Variants in GNA13 observed in about 807,000 individuals in gnomAD.
GNA13 encodes the protein guanine nucleotide-binding protein subunit alpha-13.
GNA13 carries 4 observed loss-of-function variants against 33.5 expected under a neutral mutation model. The observed-to-expected ratio is 0.12, with a 90% CI of 0.06 to 0.27. The LOEUF (loss-of-function observed/expected upper bound fraction) is 0.27. Among genes scored for constraint, GNA13 ranks in the 10% least tolerant of loss-of-function variants. The pLI is 1.00. For missense variants in GNA13, 319 were observed against 487.2 expected (o/e 0.65, Z 3.25); for synonymous variants, 176 against 183.8 (o/e 0.96, Z 0.34).
intron 2 of GNA13, among the ~76,000 whole-genome samples, chr17:65,046,934 C>T (rs1471902207): frequency 6.6e-6 from 1 of 152,086 alleles, no homozygotes; most frequent in African/African-American, 2.4e-5. Flanking sequence ...CATCCTACAG[C>T]CAGTCAAGTT....
chr17:65,031,894 G>A (rs11079547), intron 2 of GNA13, among the ~76,000 whole-genome samples: 2,665 of 95,512 alleles, frequency 0.028, 5 homozygotes, highest in Non-Finnish European at 0.038. Context: ...GAGAGAGAGA[G>A]AAAGAGAGAG....
intron 2 of GNA13, among the ~76,000 whole-genome samples, chr17:65,024,710 TG>T (rs776720131): frequency 4.3e-4 from 65 of 152,338 alleles, no homozygotes; most frequent in Non-Finnish European, 8.1e-4. Context: ...CCGAGAGAAG[TG>T]ATTCTGATGT....
chr17:65,020,606 C>T (rs1263839208), intron 2 of GNA13, among the ~76,000 whole-genome samples: 1 of 151,936 alleles, frequency 6.6e-6, no homozygotes, highest in Non-Finnish European at 1.5e-5. Context: ...CTGGTTGTAA[C>T]TTGAGGCTCT....
intron 2 of GNA13, among the ~76,000 whole-genome samples, chr17:65,024,018 C>A (rs1906683672): frequency 6.6e-6 from 1 of 152,146 alleles, no homozygotes; most frequent in Non-Finnish European, 1.5e-5. Context: ...TGGGAGGACG[C>A]CAAAGCGGGA....
At chr17:65,043,484 A>G (rs1907538426) in intron 2 of GNA13, among the ~76,000 whole-genome samples, 1 of 152,026 alleles carries the variant, frequency 6.6e-6, no homozygotes, top group South Asian at 2.1e-4. Context: ...GCAGGCTTTT[A>G]GCATGTTGCC....
At chr17:65,026,627 A>T (rs148647578) in intron 2 of GNA13, among the ~76,000 whole-genome samples, 14 of 152,340 alleles carry the variant, frequency 9.2e-5, no homozygotes, top group Non-Finnish European at 1.6e-4. Flanking sequence ...TAAAATACAG[A>T]ACTTCTAGAT....
At position 65,013,751 on chromosome 17, in the gene GNA13, C is replaced by CAGA. The variant is rs1906270602; in HGVS notation, c.*503_*505dup. The stretch of plus-strand genomic sequence containing the variant: ...GAAGGCTAAACCTTCTATAAACCTA[C>CAGA]AGAATGCCATTTCTTAGATAGAACT... On this transcript the variant is annotated 3_prime_UTR_variant, in exon 4 of 4. Coordinates refer to ENST00000439174, the MANE Select transcript of GNA13 (RefSeq NM_006572.6). The CAGA allele has an allele frequency of 4.7e-6, 1 of 210,652 alleles. No homozygotes were observed. The highest frequency in any genetic ancestry group is 1.8e-4 in the South Asian group (1 of 5,430). 13.0% of individuals were successfully genotyped at this position (210,652 alleles called of 1,614,324 possible). A position where few individuals can be genotyped will look rare whatever the true frequency, so the allele number is the denominator to read the frequency against.
At chr17:65,043,892 T>C (rs1907554040) in intron 2 of GNA13, among the ~76,000 whole-genome samples, 1 of 152,022 alleles carries the variant, frequency 6.6e-6, no homozygotes, top group African/African-American at 2.4e-5. Context: ...GAGGCCAAGA[T>C]GGGAGAATCA....
chr17:65,024,034 G>A (rs1906684280), intron 2 of GNA13, among the ~76,000 whole-genome samples: 1 of 152,164 alleles, frequency 6.6e-6, no homozygotes, highest in African/African-American at 2.4e-5. Flanking sequence ...CGGGAGGATT[G>A]CTTGAGCCCA....
intron 2 of GNA13, among the ~76,000 whole-genome samples, chr17:65,031,792 C>A (rs984254725): frequency 4.6e-5 from 7 of 150,700 alleles, no homozygotes; most frequent in Middle Eastern, 3.4e-3. Context: ...GCCTCTAATT[C>A]CAGCTACTCA....
intron 2 of GNA13, among the ~76,000 whole-genome samples, chr17:65,025,021 A>G (rs566235162): frequency 1.1e-4 from 16 of 152,220 alleles, no homozygotes; most frequent in African/African-American, 3.6e-4. Flanking sequence ...TTCAGCCTCC[A>G]GCGTAGGTGG....
At chr17:65,033,955 G>C (rs963511112) in intron 2 of GNA13, among the ~76,000 whole-genome samples, 1 of 124,960 alleles carries the variant, frequency 8.0e-6, no homozygotes, top group Non-Finnish European at 1.6e-5. Context: ...GGAGGTTGCA[G>C]TGAGCCAAGA....
chr17:65,037,705 G>A (rs1206785372), intron 2 of GNA13, among the ~76,000 whole-genome samples: 1 of 135,398 alleles, frequency 7.4e-6, no homozygotes, highest in African/African-American at 2.7e-5. Flanking sequence ...GCCGAGAGAG[G>A]CAGACTGCTT....
At chr17:65,055,280 T>A (rs1419835018) in intron 1 of GNA13, among the ~76,000 whole-genome samples, 1 of 152,208 alleles carries the variant, frequency 6.6e-6, no homozygotes, top group Non-Finnish European at 1.5e-5. Context: ...GTTAATTATC[T>A]TTCAAATGAC....
intron 2 of GNA13, among the ~76,000 whole-genome samples, chr17:65,027,134 C>T (rs1906817907): frequency 6.6e-6 from 1 of 152,104 alleles, no homozygotes; most frequent in Admixed American, 6.5e-5. Context: ...GGAAAGAAAC[C>T]ATTTTATGAA....
At chr17:65,044,859 A>G (rs963082290) in intron 2 of GNA13, among the ~76,000 whole-genome samples, 10 of 151,970 alleles carry the variant, frequency 6.6e-5, no homozygotes, top group Non-Finnish European at 1.3e-4. Flanking sequence ...CCCGGCCAAC[A>G]TGGTGAAACC....
intron 2 of GNA13, among the ~76,000 whole-genome samples, chr17:65,022,214 G>A (rs748101801): frequency 6.6e-6 from 1 of 152,078 alleles, no homozygotes; most frequent in African/African-American, 2.4e-5. Flanking sequence ...ACACAGCCAC[G>A]CTCACCTGTT....
intron 2 of GNA13, among the ~76,000 whole-genome samples, chr17:65,036,612 A>AT (rs1157370338): frequency 6.6e-6 from 1 of 152,244 alleles, no homozygotes; most frequent in Non-Finnish European, 1.5e-5. Context: ...AAGGTGAGGC[A>AT]TAAGAATCGC....
At chr17:65,018,417 G>T in intron 2 of GNA13, 114 bp from the exon 3 acceptor site, 1 of 694,290 alleles carries the variant, frequency 1.4e-6, no homozygotes, top group Non-Finnish European at 2.6e-6. Flanking sequence ...ACTTTGTTTA[G>T]TCACCAATTT....
Sources: allele counts gnomAD v4.1 joint callset (sites outside exome capture counted in the v4.1 genomes callset), GRCh38; gene constraint gnomAD v4.1.1; transcripts MANE v1.5; gene names NCBI Gene and HGNC (gene_info 2026-07-23, HGNC 2026-07-21).